Variants in SLC24A2 observed in about 807,000 individuals in gnomAD.
SLC24A2 encodes sodium/potassium/calcium exchanger 2.
SLC24A2 carries 36 observed loss-of-function variants against 62.0 expected under a neutral mutation model. The observed-to-expected ratio is 0.58, with a 90% CI of 0.44 to 0.77. The LOEUF is 0.77. Among genes scored for constraint, SLC24A2 ranks in the 30% least tolerant of loss-of-function variants. The pLI is 0.00. For missense variants in SLC24A2, 846 were observed against 817.9 expected (o/e 1.03, Z -0.42); for synonymous variants, 358 against 294.0 (o/e 1.22, Z -2.23).
the SLC24A2 span, among the ~76,000 whole-genome samples, chr9:20,143,846 T>C: frequency 6.6e-6 from 1 of 152,256 alleles, no homozygotes; most frequent in Non-Finnish European, 1.5e-5. Flanking sequence ...TGTCAATATT[T>C]ATACACATAT....
the SLC24A2 span, among the ~76,000 whole-genome samples, chr9:19,859,408 C>T: frequency 2.0e-5 from 3 of 152,150 alleles, no homozygotes; most frequent in Non-Finnish European, 2.9e-5. Context: ...ATGCTTATTA[C>T]CTGGGGGACA....
the SLC24A2 span, among the ~76,000 whole-genome samples, chr9:19,860,633 T>A: frequency 6.6e-6 from 1 of 152,128 alleles, no homozygotes; most frequent in East Asian, 1.9e-4. Flanking sequence ...GAGCACCAAG[T>A]AGCCATTAGA....
the SLC24A2 span, among the ~76,000 whole-genome samples, chr9:19,905,660 G>A: frequency 2.6e-5 from 4 of 151,808 alleles, no homozygotes; most frequent in Non-Finnish European, 5.9e-5. Flanking sequence ...CTCCCAAAGT[G>A]CTGGGATTAC....
the SLC24A2 span, among the ~76,000 whole-genome samples, chr9:20,285,154 T>C: frequency 6.6e-6 from 1 of 152,186 alleles, no homozygotes; most frequent in East Asian, 1.9e-4. Context: ...GGTAGAAGCA[T>C]CCCTGTTACC....
At chr9:19,790,420 T>C (rs1181836031), upstream of SLC24A2, among the ~76,000 whole-genome samples, 2 of 151,754 alleles carry the variant, frequency 1.3e-5, no homozygotes, top group African/African-American at 4.8e-5. Flanking sequence ...TCATTTTATC[T>C]GTAAATATTT....
At chr9:20,017,699 T>C in the SLC24A2 span, among the ~76,000 whole-genome samples, 1 of 152,126 alleles carries the variant, frequency 6.6e-6, no homozygotes, top group African/African-American at 2.4e-5. Flanking sequence ...AAATCACTGG[T>C]GTATGTCCAA....
At chr9:20,177,218 A>G in the SLC24A2 span, among the ~76,000 whole-genome samples, 1 of 152,100 alleles carries the variant, frequency 6.6e-6, no homozygotes, top group African/African-American at 2.4e-5. Flanking sequence ...TATCTGTAGT[A>G]TGACTTTTTA....
chr9:20,049,334 G>C, the SLC24A2 span, among the ~76,000 whole-genome samples: 1 of 152,172 alleles, frequency 6.6e-6, no homozygotes, highest in Non-Finnish European at 1.5e-5. Flanking sequence ...CACTGAGTGA[G>C]CGCATTAAGT....
At chr9:20,171,671 A>G in the SLC24A2 span, among the ~76,000 whole-genome samples, 1 of 152,060 alleles carries the variant, frequency 6.6e-6, no homozygotes, top group Non-Finnish European at 1.5e-5. Context: ...AAATATCAAA[A>G]TCCTAACTAT....
chr9:19,815,479 C>G, the SLC24A2 span, among the ~76,000 whole-genome samples: 1 of 152,104 alleles, frequency 6.6e-6, no homozygotes, highest in Admixed American at 6.6e-5. Flanking sequence ...CACTTTATTA[C>G]TGTTTTTGCA....
At chr9:20,035,433 C>G in the SLC24A2 span, among the ~76,000 whole-genome samples, 1 of 152,108 alleles carries the variant, frequency 6.6e-6, no homozygotes. Flanking sequence ...AAAGTGGAGA[C>G]TTCCAATGAA....
intron 2 of SLC24A2, among the ~76,000 whole-genome samples, chr9:19,645,253 A>T (rs533451690): frequency 3.3e-5 from 5 of 152,362 alleles, no homozygotes; most frequent in African/African-American, 1.2e-4. Flanking sequence ...TCATTTGTAA[A>T]GACCAAGCTA....
chr9:19,735,323 G>GTGAATCAATA (rs1821474017), intron 2 of SLC24A2, among the ~76,000 whole-genome samples: 1 of 152,112 alleles, frequency 6.6e-6, no homozygotes, highest in Non-Finnish European at 1.5e-5. Context: ...TCTCACACCA[G>GTGAATCAATA]TTAGAATGGC....
chr9:20,047,051 T>C, the SLC24A2 span, among the ~76,000 whole-genome samples: 3 of 152,108 alleles, frequency 2.0e-5, no homozygotes, highest in African/African-American at 7.2e-5. Flanking sequence ...CTCTTTGCAC[T>C]AGAGTTTGGG....
chr9:19,555,510 C>G (rs1835042451), intron 7 of SLC24A2, among the ~76,000 whole-genome samples: 1 of 152,170 alleles, frequency 6.6e-6, no homozygotes, highest in South Asian at 2.1e-4. Context: ...TTTCTCAAAA[C>G]CATTCATTTT....
the SLC24A2 span, among the ~76,000 whole-genome samples, chr9:20,225,293 T>A: frequency 2.6e-5 from 4 of 151,628 alleles, no homozygotes; most frequent in African/African-American, 9.7e-5. Flanking sequence ...ACAATGCACA[T>A]TGTTGTGGCA....
Position 19,572,182 on chromosome 9 carries a change from C to T in SLC24A2, c.1347+1169G>A, listed in dbSNP as rs193089693. Among the ~76,000 whole-genome samples, 168 of 150,240 alleles carry T rather than the reference C, an allele frequency of 1.1e-3. 1 individual carries two copies. The highest frequency in any genetic ancestry group is 4.0e-3 in the African/African-American group (162 of 40,838). The stretch of plus-strand genomic sequence containing the variant: ...GGCTGAGGCAGGAGAATTGCTTGAA[C>T]CCAGGAGGTGGAGGTTGCAGTGAGC... On this transcript the variant is annotated intron_variant, in intron 7 of 10. Transcript: ENST00000341998.
the SLC24A2 span, among the ~76,000 whole-genome samples, chr9:20,107,377 A>G: frequency 0.013 from 1,929 of 148,378 alleles, 56 homozygotes; most frequent in African/African-American, 0.048. Flanking sequence ...AAAAGAGCCC[A>G]CATTGCCAAG....
chr9:19,710,159 G>A (rs1038617159), intron 2 of SLC24A2, among the ~76,000 whole-genome samples: 3 of 152,124 alleles, frequency 2.0e-5, no homozygotes, highest in Non-Finnish European at 4.4e-5. Flanking sequence ...TTGTAATAAA[G>A]CCCTAGCACT....
Sources: gnomAD v4.1 joint callset for allele counts (sites outside exome capture counted in the v4.1 genomes callset) on GRCh38, gnomAD v4.1.1 for gene constraint, MANE v1.5 for transcripts, NCBI Gene and HGNC (gene_info 2026-07-23, HGNC 2026-07-21) for gene names.